The following LYST variants were observed in gnomAD, a reference collection of about 807,000 sequenced individuals.
The protein encoded by LYST is lysosomal-trafficking regulator.
LYST carries 192 observed loss-of-function variants against 413.6 expected under a neutral mutation model. The observed-to-expected ratio is 0.46, with a 90% confidence interval of 0.41 to 0.52. LYST has a LOEUF of 0.52. LYST is among the 20% of genes least tolerant of loss of function. LYST has a pLI of 0.00. For missense variants in LYST, 3,815 were observed against 4,499.9 expected, an observed-to-expected ratio of 0.85 and a Z score of 4.35; for synonymous variants, 1,525 against 1,567.3, an observed-to-expected ratio of 0.97 and a Z score of 0.64.
intron 48 of LYST, among the ~76,000 whole-genome samples, chr1:235,684,567 A>G (rs1342832725): frequency 6.6e-6 from 1 of 152,228 alleles, no homozygotes; most frequent in African/African-American, 2.4e-5. Context: ...AAAAGGTGAT[A>G]AAAAGGAGAC....
At chr1:235,680,034 C>CACAA in intron 48 of LYST, among the ~76,000 whole-genome samples, 1 of 151,630 alleles carries the variant, frequency 6.6e-6, no homozygotes, top group Non-Finnish European at 1.5e-5. Context: ...CACACACACA[C>CACAA]AACTAAGACT....
At chr1:235,830,551 A>C in intron 2 of LYST, 127 bp from the exon 3 acceptor site, 2 of 739,726 alleles carry the variant, frequency 2.7e-6, no homozygotes, top group Non-Finnish European at 4.4e-6. Flanking sequence ...ATTGGTACTT[A>C]ACCCTATAAT....
chr1:235,741,338 T>G, intron 31 of LYST, 84 bp downstream of exon 31: 1 of 1,138,812 alleles, frequency 8.8e-7, no homozygotes, highest in Non-Finnish European at 1.3e-6. Context: ...GCATGAACAT[T>G]CAGTTTAATT....
At chr1:235,869,389 G>A (rs1178392919), upstream of LYST, among the ~76,000 whole-genome samples, 5 of 152,136 alleles carry the variant, frequency 3.3e-5, no homozygotes, top group Non-Finnish European at 7.4e-5. Flanking sequence ...GGAGAATAGC[G>A]TGAACCCGGG....
At chr1:235,738,938 G>A in intron 31 of LYST, 1 of 726,740 alleles carries the variant, frequency 1.4e-6, no homozygotes. Flanking sequence ...GGGCCCATTT[G>A]AAGAACAGTG....
intron 37 of LYST, among the ~76,000 whole-genome samples, chr1:235,729,290 T>G (rs1336724708): frequency 1.3e-5 from 2 of 152,146 alleles, no homozygotes; most frequent in African/African-American, 4.8e-5. Flanking sequence ...ATCAACAATT[T>G]TTCACTTTAA....
chr1:235,744,229 C>A lies in LYST; in HGVS notation c.7973-72G>T, dbSNP rs566518083. The A allele has an allele frequency of 1.9e-5, 15 of 806,472 alleles. No homozygotes were observed. In the African/African-American group the frequency reaches 2.4e-4, roughly 13 times the overall value. 50.0% of individuals were successfully genotyped at this position (806,472 alleles called of 1,614,324 possible). On this transcript the variant is annotated intron_variant, in intron 29 of 52. Coordinates refer to ENST00000389793, the MANE Select transcript of LYST (RefSeq NM_000081.4). ...CTTGCCATTATAAATAGTAATAATA[C>A]TGGTAAAAAATATTGTATTTAATTA...
intron 3 of LYST, chr1:235,827,328 C>T (rs946824987): frequency 1.8e-5 from 10 of 545,654 alleles, no homozygotes; most frequent in African/African-American, 8.3e-5. Flanking sequence ...ATGATTGTGC[C>T]GCTGCAGTCC....
Position 235,759,165 on chromosome 1 carries a change from G to C in LYST, c.6688C>G (p.Leu2230Val). The change falls in exon 23 of 53, where the codon CTA (leucine) becomes GTA (valine). Residue 2230 changes from leucine to valine, a missense_variant. Around this residue, in one of 4 missense-constraint regions of LYST, gnomAD observed 771 missense variants for 837.1 expected, o/e 0.92. Transcript: ENST00000389793. ...CGCTGGAAGGAGGCCAATCCCTTTAGGTAATCAGGTCGGCGTGGGCAGGAC... is the reference window on the plus strand; with the variant it reads ...CGCTGGAAGGAGGCCAATCCCTTTACGTAATCAGGTCGGCGTGGGCAGGAC... Reference protein sequence around the residue: ...DESCPRRPDYLKGLASFQRSH... With the variant: ...DESCPRRPDYVKGLASFQRSH... The C allele has an allele frequency of 1.2e-6, 2 of 1,614,134 alleles. No individual in the cohort carries two copies. The highest frequency in any genetic ancestry group is 4.5e-5 in the East Asian group (2 of 44,874).
At chr1:235,876,664 T>A (rs774598552) in intron 1 of LYST, among the ~76,000 whole-genome samples, 14 of 152,312 alleles carry the variant, frequency 9.2e-5, no homozygotes, top group South Asian at 4.1e-4. Context: ...TGATGTGACA[T>A]CCTGTTTGTT....
intron 1 of LYST, among the ~76,000 whole-genome samples, chr1:235,881,569 C>T (rs1681377314): frequency 1.3e-5 from 2 of 152,040 alleles, no homozygotes. Flanking sequence ...GGAAGCAATG[C>T]AAGTGTCCAT....
chr1:235,703,109 A>G (rs1031471959), intron 44 of LYST, 132 bp from the exon 45 acceptor site: 118 of 709,454 alleles, frequency 1.7e-4, no homozygotes, highest in Non-Finnish European at 1.0e-5. Context: ...TCAGGTTAAC[A>G]ATCACTCATG....
chr1:235,877,216 T>C (rs1304225729), intron 1 of LYST, among the ~76,000 whole-genome samples: 1 of 152,178 alleles, frequency 6.6e-6, no homozygotes, highest in Non-Finnish European at 1.5e-5. Flanking sequence ...CCTGTCCCGC[T>C]ATCAAGAGGG....
intron 45 of LYST, 125 bp from the exon 46 acceptor site, chr1:235,697,397 A>G: frequency 1.4e-6 from 1 of 697,662 alleles, no homozygotes; most frequent in East Asian, 2.7e-5. Context: ...AAGGGCAATA[A>G]TTATTTTACG....
intron 3 of LYST, among the ~76,000 whole-genome samples, chr1:235,824,881 G>T (rs967865323): frequency 3.9e-5 from 6 of 152,072 alleles, no homozygotes; most frequent in Admixed American, 3.9e-4. Context: ...TTAGCCAGGT[G>T]CAGTGGCAGG....
chr1:235,839,807 A>AAAATAAAATAAAATG (rs1677014249), intron 1 of LYST: 2 of 152,092 alleles, frequency 1.3e-5, no homozygotes, highest in Non-Finnish European at 2.9e-5. Context: ...TCTGTCTCAA[A>AAAATAAAATAAAATG]AAATAAAATA....
chr1:235,700,279 T>C (rs976840848), intron 45 of LYST, among the ~76,000 whole-genome samples: 8 of 152,076 alleles, frequency 5.3e-5, no homozygotes, highest in African/African-American at 1.9e-4. Flanking sequence ...GAGACTACCA[T>C]CAGAGTGAAC....
chr1:235,711,952 A>T, intron 43 of LYST, 105 bp downstream of exon 43: 1 of 739,930 alleles, frequency 1.4e-6, no homozygotes, highest in Non-Finnish European at 2.2e-6. Flanking sequence ...TTATTTGGGG[A>T]CTCAAAAATT....
At chr1:235,677,371 T>C in intron 49 of LYST, 109 bp downstream of exon 49, 1 of 1,272,118 alleles carries the variant, frequency 7.9e-7, no homozygotes. Context: ...ATGTGTTTCA[T>C]GGTTAAAATG....
Sources: gnomAD v4.1 joint callset for allele counts (sites outside exome capture counted in the v4.1 genomes callset) on GRCh38, gnomAD v4.1.1 for gene constraint, gnomAD v4.1.1 regional missense constraint, MANE v1.5 for transcripts, NCBI Gene and HGNC (gene_info 2026-07-23, HGNC 2026-07-21) for gene names.